Variants in FTCDNL1 observed in about 807,000 individuals in gnomAD.
The protein encoded by FTCDNL1 is formiminotransferase N-terminal subdomain-containing protein.
FTCDNL1 carries 11 observed loss-of-function variants against 5.9 expected under a neutral mutation model. That is an observed-to-expected ratio of 1.87 (90% CI 1.18 to 3.10). The LOEUF is 3.10. FTCDNL1 is among the 30% of genes most tolerant of loss of function. The pLI is 0.00. For synonymous variants in FTCDNL1, 58 were observed against 24.8 expected (o/e 2.34, Z -3.99); for missense variants, 115 against 65.5 (o/e 1.76, Z -2.61).
chr2:199,850,096 C>T (rs987177021), intron 1 of FTCDNL1, among the ~76,000 whole-genome samples: 1 of 152,232 alleles, frequency 6.6e-6, no homozygotes, highest in African/African-American at 2.4e-5. Flanking sequence ...GCCTAATCAT[C>T]TTAACCTAGA....
downstream of FTCDNL1, among the ~76,000 whole-genome samples, chr2:199,808,503 A>C (rs1700848439): frequency 6.6e-6 from 1 of 152,242 alleles, no homozygotes; most frequent in Admixed American, 6.5e-5. Flanking sequence ...ACCATCATCC[A>C]TCTCCAGAAC....
the FTCDNL1 span, among the ~76,000 whole-genome samples, chr2:199,681,127 G>T: frequency 6.6e-6 from 1 of 152,218 alleles, no homozygotes; most frequent in Non-Finnish European, 1.5e-5. Flanking sequence ...AAAGTTAAAA[G>T]GATGGCATGG....
the FTCDNL1 span, among the ~76,000 whole-genome samples, chr2:199,693,904 T>TG: frequency 1.3e-5 from 2 of 152,232 alleles, no homozygotes; most frequent in African/African-American, 4.8e-5. Context: ...CGGCTTCATC[T>TG]GGGGATTGGA....
the FTCDNL1 span, among the ~76,000 whole-genome samples, chr2:199,738,775 A>G: frequency 6.6e-6 from 1 of 152,210 alleles, no homozygotes; most frequent in East Asian, 1.9e-4. Context: ...AAAGCAAATA[A>G]TGATGGAGTG....
chr2:199,757,430 C>T (rs1025784868), downstream of FTCDNL1, among the ~76,000 whole-genome samples: 14 of 152,040 alleles, frequency 9.2e-5, no homozygotes, highest in African/African-American at 3.4e-4. Flanking sequence ...CTAATGATGG[C>T]GTGTAAGCAG....
At chr2:199,676,876 GACAA>G in the FTCDNL1 span, among the ~76,000 whole-genome samples, 2 of 152,084 alleles carry the variant, frequency 1.3e-5, no homozygotes, top group Non-Finnish European at 2.9e-5. Context: ...TTTTGGGTCC[GACAA>G]ACAAAATTAA....
chr2:199,760,790 C>T (rs1233685584), exon 4 of FTCDNL1: 7 of 702,208 alleles, frequency 1.0e-5, no homozygotes, highest in East Asian at 2.7e-5. Context: ...TCCTGGATGT[C>T]GACCTCGCAA....
At chr2:199,678,718 A>G in the FTCDNL1 span, among the ~76,000 whole-genome samples, 4 of 152,200 alleles carry the variant, frequency 2.6e-5, no homozygotes, top group South Asian at 8.3e-4. Context: ...CAGAGTTGAA[A>G]TCATACATTT....
the FTCDNL1 span, among the ~76,000 whole-genome samples, chr2:199,703,544 T>C: frequency 2.0e-5 from 3 of 152,316 alleles, no homozygotes; most frequent in East Asian, 5.8e-4. Context: ...AAGCCATATG[T>C]CTTGTAGGAA....
At chr2:199,763,672 C>G (rs563862799) in intron 3 of FTCDNL1, among the ~76,000 whole-genome samples, 4 of 152,190 alleles carry the variant, frequency 2.6e-5, no homozygotes, top group Admixed American at 6.5e-5. Flanking sequence ...GACCTCTCCC[C>G]CTATTCAATG....
chr2:199,716,167 T>C, the FTCDNL1 span, among the ~76,000 whole-genome samples: 1 of 152,122 alleles, frequency 6.6e-6, no homozygotes, highest in Non-Finnish European at 1.5e-5. Flanking sequence ...TGTCTCTGTT[T>C]TCACTGTCCT....
rs879711706 is a variant in FTCDNL1 at position 199,819,667 on chromosome 2, T to C, written c.302A>G (p.Gln101Arg). 1.4e-6 allele frequency: 1 copy of C among 702,336 alleles called. No individual in the cohort carries two copies. Among genetic ancestry groups the C allele is most frequent in the Admixed American group, 2.0e-5 (1 of 49,998 alleles). The allele number at this position is 702,336 out of a possible 1,614,324, so 43.5% of individuals were successfully genotyped here. ...GAACCAGCCCAGCTGCTTCCTTCTC[T>C]GCACAAGACTGCGCTTCTCAGGCAG... ...ADLPEKRSLVQRRKQLGWFTR... is the reference protein window; with the variant it reads ...ADLPEKRSLVRRRKQLGWFTR... Residue 101 changes from glutamine to arginine, a missense_variant, in exon 4 of 5, where the codon CAG (glutamine) becomes CGG (arginine). Coordinates refer to ENST00000420128, the MANE Select transcript of FTCDNL1 (RefSeq NM_001363886.2).
chr2:199,815,174 G>C (rs144093913), intron 4 of FTCDNL1, among the ~76,000 whole-genome samples: 3 of 152,080 alleles, frequency 2.0e-5, no homozygotes, highest in Admixed American at 6.6e-5. Flanking sequence ...AACTATTACT[G>C]CTTTGCCCTT....
the FTCDNL1 span, among the ~76,000 whole-genome samples, chr2:199,706,816 A>G: frequency 3.3e-5 from 5 of 152,166 alleles, no homozygotes; most frequent in Admixed American, 3.3e-4. Context: ...GCTTTCAACC[A>G]TGTTTAGTTG....
chr2:199,845,221 T>C (rs1246695894), intron 3 of FTCDNL1, among the ~76,000 whole-genome samples: 1 of 152,220 alleles, frequency 6.6e-6, no homozygotes. Flanking sequence ...ATGACCATTT[T>C]AGCAATAGAG....
At chr2:199,814,348 AG>A (rs1203402055) in intron 4 of FTCDNL1, among the ~76,000 whole-genome samples, 1 of 152,242 alleles carries the variant, frequency 6.6e-6, no homozygotes, top group Non-Finnish European at 1.5e-5. Context: ...CCACAGGGCT[AG>A]GAAGTACTCC....
At chr2:199,760,678 A>G in exon 4 of FTCDNL1, 1 of 623,522 alleles carries the variant, frequency 1.6e-6, no homozygotes, top group South Asian at 1.8e-5. Context: ...GGTATGGTAT[A>G]ATTTTCCATC....
At chr2:199,804,675 T>C (rs577517108), downstream of FTCDNL1, among the ~76,000 whole-genome samples, 1 of 152,258 alleles carries the variant, frequency 6.6e-6, no homozygotes, top group East Asian at 1.9e-4. Flanking sequence ...AGAGTAACCA[T>C]GCGTGGGCTG....
At chr2:199,840,669 G>A (rs2076559984) in intron 3 of FTCDNL1, among the ~76,000 whole-genome samples, 1 of 152,148 alleles carries the variant, frequency 6.6e-6, no homozygotes, top group Non-Finnish European at 1.5e-5. Flanking sequence ...TGGCTCTGAG[G>A]AGAAGGAAAT....
Sources: allele counts gnomAD v4.1 joint callset (sites outside exome capture counted in the v4.1 genomes callset), GRCh38; gene constraint gnomAD v4.1.1; transcripts MANE v1.5; gene names NCBI Gene and HGNC (gene_info 2026-07-23, HGNC 2026-07-21).